Variants in TOPAZ1 observed in about 807,000 individuals in gnomAD.
The protein encoded by TOPAZ1 is protein TOPAZ1.
Under a neutral mutation model 172.2 loss-of-function variants are expected in TOPAZ1, and 66 were observed. The observed-to-expected ratio is 0.38, with a 90% confidence interval of 0.31 to 0.47. The LOEUF is 0.47. TOPAZ1 is among the 20% of genes least tolerant of loss of function. The probability of loss-of-function intolerance (pLI) is 0.99; values close to 1 mark genes in which losing one functional copy is unlikely to be tolerated. For synonymous variants in TOPAZ1, 681 were observed against 683.9 expected (o/e 1.00, Z 0.07); for missense variants, 1,822 against 1,972.4 (o/e 0.92, Z 1.44).
chr3:44,284,893 T>A (rs1030970289), intron 9 of TOPAZ1, among the ~76,000 whole-genome samples: 16 of 152,204 alleles, frequency 1.1e-4, no homozygotes, highest in African/African-American at 3.4e-4. Context: ...TATGATCACA[T>A]AAATTTGAAC....
chr3:44,296,520 A>T (rs1700196837), intron 12 of TOPAZ1, among the ~76,000 whole-genome samples: 1 of 152,052 alleles, frequency 6.6e-6, no homozygotes. Flanking sequence ...ATCATAAGGG[A>T]TTGCCTTGAA....
Position 44,242,195 on chromosome 3 carries a change from C to G in TOPAZ1, c.142C>G (p.Gln48Glu). 1 of 1,543,330 alleles carries G rather than the reference C, an allele frequency of 6.5e-7. No homozygotes were observed. The highest frequency in any genetic ancestry group is 1.2e-5 in the South Asian group (1 of 83,318). The change falls in exon 1 of 20, where the codon CAA becomes GAA. Residue 48 changes from glutamine to glutamate, a missense_variant. Gln to Glu is a conservative substitution (Grantham distance 29). Transcript: ENST00000309765. ...GGCCGGGGGGTGCCGGGAAAATAAG[C>G]AAAAGAGGAGAATGGTGGCCCGGGC... ...PEAGGCRENK[Q>E]KRRMVARATP...
At chr3:44,251,143 A>G (rs1285473265) in intron 2 of TOPAZ1, among the ~76,000 whole-genome samples, 1 of 152,048 alleles carries the variant, frequency 6.6e-6, no homozygotes, top group Non-Finnish European at 1.5e-5. Flanking sequence ...TTGAGAGAGA[A>G]AGGGTCTTGC....
chr3:44,296,634 G>C (rs1258483699), intron 12 of TOPAZ1, among the ~76,000 whole-genome samples: 1 of 151,852 alleles, frequency 6.6e-6, no homozygotes, highest in Non-Finnish European at 1.5e-5. Flanking sequence ...TCTAAATAGT[G>C]TTACAACTAT....
chr3:44,307,572 G>A (rs1268729952), intron 15 of TOPAZ1, among the ~76,000 whole-genome samples: 2 of 152,082 alleles, frequency 1.3e-5, no homozygotes, highest in Admixed American at 6.6e-5. Flanking sequence ...CCAAAATAGG[G>A]AGGAAGTGCT....
chr3:44,292,771 T>G (rs1457556664), intron 12 of TOPAZ1, among the ~76,000 whole-genome samples: 2 of 152,190 alleles, frequency 1.3e-5, no homozygotes, highest in Non-Finnish European at 2.9e-5. Context: ...CCTCAAACAT[T>G]TATCATTTCT....
chr3:44,264,261 A>G (rs570573044), intron 5 of TOPAZ1, among the ~76,000 whole-genome samples: 141 of 152,344 alleles, frequency 9.3e-4, no homozygotes, highest in African/African-American at 3.2e-3. Context: ...GAATTGTAAT[A>G]TATACAGGTA....
At chr3:44,253,397 G>A (rs1159035818) in intron 2 of TOPAZ1, among the ~76,000 whole-genome samples, 2 of 152,200 alleles carry the variant, frequency 1.3e-5, no homozygotes, top group Admixed American at 6.5e-5. Flanking sequence ...CCAAAAGAAC[G>A]TGGTGACTTT....
intron 17 of TOPAZ1, among the ~76,000 whole-genome samples, chr3:44,322,046 G>T (rs533229481): frequency 2.1e-4 from 32 of 152,294 alleles, no homozygotes; most frequent in Admixed American, 7.2e-4. Context: ...AGAGTTTTGG[G>T]TCTAGGGAGT....
rs966831772 is a variant in TOPAZ1 at position 44,309,832 on chromosome 3, A to G, written c.4148A>G (p.Lys1383Arg). The change falls in exon 16 of 20, where the codon AAG (lysine) becomes AGG (arginine). Residue 1383 changes from lysine (K) to arginine (R), a missense_variant. Around this residue, in one of 2 missense-constraint regions of TOPAZ1, gnomAD observed 333 missense variants for 481.7 expected, o/e 0.69. Coordinates refer to ENST00000309765, the MANE Select transcript of TOPAZ1 (RefSeq NM_001145030.2). ...HKLLQWSKGRKVLEKLYELKI... is the reference protein window; with the variant it reads ...HKLLQWSKGRRVLEKLYELKI... The stretch of plus-strand genomic sequence containing the variant: ...TCTTTATTTTTATTCTAGGGAAGGA[A>G]GGTCTTAGAGAAACTATATGAATTA... The G allele has an allele frequency of 2.7e-6, 4 of 1,506,944 alleles. No homozygotes were observed. The highest frequency in any genetic ancestry group is 3.6e-6 in the Non-Finnish European group (4 of 1,122,168). 93.3% of individuals were successfully genotyped at this position (1,506,944 alleles called of 1,614,324 possible).
intron 9 of TOPAZ1, among the ~76,000 whole-genome samples, chr3:44,287,075 A>T (rs1269590416): frequency 6.6e-6 from 1 of 152,198 alleles, no homozygotes; most frequent in African/African-American, 2.4e-5. Context: ...CTGCCTCAAG[A>T]CTGCCTGGGA....
chr3:44,253,437 G>A (rs532099092), intron 2 of TOPAZ1, among the ~76,000 whole-genome samples: 2 of 152,290 alleles, frequency 1.3e-5, no homozygotes, highest in Non-Finnish European at 2.9e-5. Flanking sequence ...TTTGAGGGAG[G>A]TTTAAGAAGT....
chr3:44,303,734 A>T (rs998142857), intron 12 of TOPAZ1, among the ~76,000 whole-genome samples: 1 of 151,936 alleles, frequency 6.6e-6, no homozygotes, highest in Non-Finnish European at 1.5e-5. Flanking sequence ...TTTTAGTCAC[A>T]GTTATTTTTG....
rs752812035 is a variant in TOPAZ1, at chr3:44,304,028, C to T, written c.3811C>T (p.Arg1271Ter). The T allele has an allele frequency of 3.9e-6, 6 of 1,535,774 alleles. No individual in the cohort carries two copies. Among genetic ancestry groups the T allele is most frequent in the African/African-American group, 1.4e-5 (1 of 72,408 alleles). ...CTTTTGTTAAAGGTTACAGATGAGA[C>T]GATTTAAAAAGAACTGGAAGTGTGA... ...LEMKSRLQMR[R>*]FKKNWKCDLD... Residue 1271 changes from arginine to a stop codon, truncating the protein, a stop_gained, in exon 13 of 20, where the codon CGA becomes TGA. Coordinates refer to ENST00000309765, the MANE Select transcript of TOPAZ1 (RefSeq NM_001145030.2). LOFTEE classifies it high-confidence loss of function.
chr3:44,289,456 A>T (rs1399119246), intron 11 of TOPAZ1, among the ~76,000 whole-genome samples: 1 of 152,014 alleles, frequency 6.6e-6, no homozygotes, highest in Non-Finnish European at 1.5e-5. Context: ...TCTTTAGAAC[A>T]GGCTTTAAAT....
At chr3:44,323,540 C>T (rs922605831) in intron 18 of TOPAZ1, among the ~76,000 whole-genome samples, 1 of 152,048 alleles carries the variant, frequency 6.6e-6, no homozygotes, top group Non-Finnish European at 1.5e-5. Flanking sequence ...GTAGCCTGTC[C>T]GCTAGAGGGC....
At chr3:44,296,786 A>G (rs1242360739) in intron 12 of TOPAZ1, among the ~76,000 whole-genome samples, 1 of 149,072 alleles carries the variant, frequency 6.7e-6, no homozygotes, top group Non-Finnish European at 1.5e-5. Flanking sequence ...ATGAGGGAAC[A>G]TTTACCAGCA....
chr3:44,319,964 A>G (rs1045980002), intron 16 of TOPAZ1, among the ~76,000 whole-genome samples: 16 of 152,256 alleles, frequency 1.1e-4, no homozygotes, highest in Non-Finnish European at 1.0e-4. Context: ...AATGTTACAT[A>G]TAGTAATGTT....
intron 4 of TOPAZ1, among the ~76,000 whole-genome samples, chr3:44,257,352 G>GGTGTGTGTGTGTGTGT (rs59827431): frequency 8.8e-4 from 97 of 110,388 alleles, no homozygotes; most frequent in Middle Eastern, 4.4e-3. Context: ...AAAACATAGG[G>GGTGTGTGTGTGTGTGT]GTGTGTGTGT....
Sources: allele counts gnomAD v4.1 joint callset (sites outside exome capture counted in the v4.1 genomes callset), GRCh38; gene constraint gnomAD v4.1.1; regional missense constraint gnomAD v4.1.1; transcripts MANE v1.5; gene names NCBI Gene and HGNC (gene_info 2026-07-23, HGNC 2026-07-21).